The following PIK3CA variants were observed in gnomAD, a reference collection of about 807,000 sequenced individuals.
PIK3CA encodes the protein phosphatidylinositol 4,5-bisphosphate 3-kinase catalytic subunit alpha isoform.
In PIK3CA, 27 loss-of-function variants were observed where a neutral mutation model predicts 138.2. That is an observed-to-expected ratio of 0.20 (90% CI 0.14 to 0.27). PIK3CA has a LOEUF of 0.27. Ranked by LOEUF, PIK3CA falls within the 10% of genes least tolerant of loss-of-function variation. The probability of loss-of-function intolerance (pLI) is 1.00; values close to 1 mark genes in which losing one functional copy is unlikely to be tolerated. For synonymous variants in PIK3CA, 358 were observed against 413.2 expected (o/e 0.87, Z 1.62); for missense variants, 544 against 1,277.4 (o/e 0.43, Z 8.75).
At position 179,204,877 on chromosome 3, in the gene PIK3CA, C is replaced by G. The variant is rs530093333; in HGVS notation, c.1145+289C>G. Among the ~76,000 whole-genome samples the G allele has an allele frequency of 2.6e-5, 4 of 151,622 alleles. No individual in the cohort carries two copies. The East Asian group carries it at 7.8e-4, about 29-fold the overall frequency. ...CTACTAAAAATAAAAAAACATTAGC[C>G]GGGCGTGGTGGCGGGCACCTGTAAT... On this transcript the variant is annotated intron_variant, in intron 6 of 20. Coordinates refer to ENST00000263967, the MANE Select transcript of PIK3CA (RefSeq NM_006218.4).
chr3:179,232,079 ATTCT>A (rs1359415655), intron 20 of PIK3CA, among the ~76,000 whole-genome samples: 2 of 152,076 alleles, frequency 1.3e-5, no homozygotes, highest in Middle Eastern at 3.4e-3. Context: ...AACTTTGATG[ATTCT>A]TTCTTTTGTT....
At chr3:179,151,752 T>G (rs1047187163) in intron 1 of PIK3CA, among the ~76,000 whole-genome samples, 1 of 152,242 alleles carries the variant, frequency 6.6e-6, no homozygotes, top group African/African-American at 2.4e-5. Flanking sequence ...ATACAGTTTG[T>G]ACTTCCTGAG....
intron 17 of PIK3CA, among the ~76,000 whole-genome samples, chr3:179,226,909 AATGTT>A (rs1047696084): frequency 1.4e-4 from 22 of 152,176 alleles, no homozygotes; most frequent in African/African-American, 5.1e-4. Flanking sequence ...AAAAATGGTT[AATGTT>A]ATATGAATCA....
chr3:179,206,900 C>T (rs1724576431), intron 6 of PIK3CA, among the ~76,000 whole-genome samples: 1 of 134,584 alleles, frequency 7.4e-6, no homozygotes, highest in Non-Finnish European at 1.6e-5. Context: ...GTCTAGGGGG[C>T]AGAGTGAGAC....
rs190372148 is a variant in PIK3CA, at chr3:179,198,965, A to G, written c.140A>G (p.His47Arg). Residue 47 changes from histidine (H) to arginine (R), a missense_variant, in exon 2 of 21, where the codon CAT (histidine) becomes CGT (arginine). This residue lies in a region of PIK3CA where 47 missense variants were observed against 84.0 expected (regional missense o/e 0.56). Transcript: ENST00000263967. ...LREATLITIKHELFKEARKYP... is the reference protein window; with the variant it reads ...LREATLITIKRELFKEARKYP... ...GAGGCTACATTAATAACCATAAAGCATGAACTATTTAAAGAAGCAAGAAAA... is the reference window on the plus strand; with the variant it reads ...GAGGCTACATTAATAACCATAAAGCGTGAACTATTTAAAGAAGCAAGAAAA... The G allele has an allele frequency of 5.0e-5, 81 of 1,613,384 alleles. 1 individual carries two copies. The Admixed American group carries it at 7.0e-4, about 14-fold the overall frequency.
At chr3:179,162,624 A>C (rs1460421143) in intron 1 of PIK3CA, among the ~76,000 whole-genome samples, 2 of 152,220 alleles carry the variant, frequency 1.3e-5, no homozygotes, top group East Asian at 1.9e-4. Context: ...ATATTTAAAA[A>C]TCAATAGTTC....
rs1180102271 is a variant in PIK3CA, at chr3:179,235,552, T to C, written c.*1188T>C. On this transcript the variant is annotated 3_prime_UTR_variant, in exon 21 of 21. Transcript: ENST00000263967. Reference sequence around the variant, plus strand: ...TTATTTCTTATGTGAATCTCCCGTCTTCCATTCTCTTTTATAATTGAGAAT... The same window carrying C: ...TTATTTCTTATGTGAATCTCCCGTCCTCCATTCTCTTTTATAATTGAGAAT... 1.0e-5 allele frequency: 2 copies of C among 199,126 alleles called. No individual in the cohort carries two copies. Among genetic ancestry groups the C allele is most frequent in the African/African-American group, 4.6e-5 (2 of 43,460 alleles). 12.3% of individuals were successfully genotyped at this position (199,126 alleles called of 1,614,324 possible).
At chr3:179,186,084 G>A (rs930781389) in intron 1 of PIK3CA, among the ~76,000 whole-genome samples, 11 of 152,264 alleles carry the variant, frequency 7.2e-5, no homozygotes, top group Non-Finnish European at 5.9e-5. Flanking sequence ...CCCTCATCCT[G>A]AAGCAACCTA....
chr3:179,206,498 T>A (rs755614443), intron 6 of PIK3CA, among the ~76,000 whole-genome samples: 5 of 152,310 alleles, frequency 3.3e-5, no homozygotes, highest in Admixed American at 6.5e-5. Context: ...TTTCCAAATT[T>A]GGTAAAAACT....
intron 14 of PIK3CA, among the ~76,000 whole-genome samples, chr3:179,222,805 A>G (rs1724999419): frequency 6.6e-6 from 1 of 152,210 alleles, no homozygotes; most frequent in Non-Finnish European, 1.5e-5. Flanking sequence ...GGAAGAGATA[A>G]AAGTTCAAAA....
rs567135743 is a variant in PIK3CA, at chr3:179,230,637, C to T, written c.2936+261C>T. 6.6e-6 allele frequency among the ~76,000 whole-genome samples: 1 copy of T among 152,044 alleles called. No individual in the cohort carries two copies. Among genetic ancestry groups the T allele is most frequent in the East Asian group, 1.9e-4 (1 of 5,176 alleles). On this transcript the variant is annotated intron_variant, in intron 20 of 20. Coordinates refer to ENST00000263967, the MANE Select transcript of PIK3CA (RefSeq NM_006218.4). This position sits in a 1 kb window ranked among gnomAD's most constrained non-coding sequence, Gnocchi z 5.4. ...AGGCGTGGTGGCATGCACTGTAGTCCCAGCTACTCAGGAGGCTGAGATGGG... is the reference window on the plus strand; with the variant it reads ...AGGCGTGGTGGCATGCACTGTAGTCTCAGCTACTCAGGAGGCTGAGATGGG...
intron 1 of PIK3CA, among the ~76,000 whole-genome samples, chr3:179,173,576 C>A (rs1723619463): frequency 2.7e-5 from 4 of 150,392 alleles, no homozygotes. Flanking sequence ...GAGACTCCAT[C>A]TCAAAAAAAA....
At chr3:179,196,416 T>C (rs1360246854) in intron 1 of PIK3CA, among the ~76,000 whole-genome samples, 2 of 152,242 alleles carry the variant, frequency 1.3e-5, no homozygotes, top group East Asian at 3.8e-4. Flanking sequence ...AAGTCACTTC[T>C]ATAATTGTTC....
At chr3:179,198,584 C>A (rs533922511) in intron 1 of PIK3CA, among the ~76,000 whole-genome samples, 166 bp from the exon 2 acceptor site, 2 of 152,002 alleles carry the variant, frequency 1.3e-5, no homozygotes, top group Non-Finnish European at 2.9e-5. Context: ...TCTTTGTAGC[C>A]TAATTTAGAG....
At chr3:179,201,561 TATTA>T (rs1294673558) in intron 4 of PIK3CA, 21 bp downstream of exon 4, 1 of 1,480,846 alleles carries the variant, frequency 6.8e-7, no homozygotes, top group Admixed American at 2.1e-5. Flanking sequence ...AGTTTCAAAA[TATTA>T]ATTTTTAATT....
At chr3:179,206,168 C>T (rs1460479696) in intron 6 of PIK3CA, among the ~76,000 whole-genome samples, 1 of 148,666 alleles carries the variant, frequency 6.7e-6, no homozygotes, top group African/African-American at 2.5e-5. Context: ...AGCGATTCTC[C>T]TGCCTCAGCC....
chr3:179,204,457 G>A (rs779258306), intron 5 of PIK3CA, 46 bp from the exon 6 acceptor site: 1 of 867,806 alleles, frequency 1.2e-6, no homozygotes, highest in Non-Finnish European at 1.9e-6. Flanking sequence ...GTGCATATGT[G>A]TATGTTGAGT....
chr3:179,148,932 G>A (rs1722931840), intron 1 of PIK3CA, among the ~76,000 whole-genome samples: 1 of 152,170 alleles, frequency 6.6e-6, no homozygotes, highest in African/African-American at 2.4e-5. Flanking sequence ...CCCCGGCCGC[G>A]GTGGCTCTGT....
At chr3:179,155,924 A>C (rs1003662573) in intron 1 of PIK3CA, among the ~76,000 whole-genome samples, 1 of 152,208 alleles carries the variant, frequency 6.6e-6, no homozygotes, top group Non-Finnish European at 1.5e-5. Context: ...TTCATCTATT[A>C]ACTAGCTGTT....
Sources: gnomAD v4.1 joint callset for allele counts (sites outside exome capture counted in the v4.1 genomes callset) on GRCh38, gnomAD v4.1.1 for gene constraint, gnomAD v4.1.1 regional missense constraint, Gnocchi (gnomAD v3.1) non-coding constraint, MANE v1.5 for transcripts, NCBI Gene and HGNC (gene_info 2026-07-23, HGNC 2026-07-21) for gene names.